Variants in SNAP91 observed in about 807,000 individuals in gnomAD.
The protein encoded by SNAP91 is synaptosome associated protein 91.
In SNAP91, 27 loss-of-function variants were observed where a neutral mutation model predicts 100.3. The ratio of observed to expected loss-of-function variants is 0.27; its 90% CI spans 0.20 to 0.37. The LOEUF is 0.37. Among genes scored for constraint, SNAP91 ranks in the 10% least tolerant of loss-of-function variants. SNAP91 has a pLI of 1.00. For synonymous variants in SNAP91, 404 were observed against 398.6 expected, an observed-to-expected ratio of 1.01 and a Z score of -0.16; for missense variants, 986 against 1,123.7, an observed-to-expected ratio of 0.88 and a Z score of 1.75.
At chr6:83,660,528 A>G (rs1334424149) in intron 5 of SNAP91, among the ~76,000 whole-genome samples, 2 of 146,116 alleles carry the variant, frequency 1.4e-5, no homozygotes, top group Non-Finnish European at 2.9e-5. Flanking sequence ...GATATGCACA[A>G]ATGTGTGGCT....
At chr6:83,585,371 T>C (rs1462789383) in intron 22 of SNAP91, among the ~76,000 whole-genome samples, 1 of 151,830 alleles carries the variant, frequency 6.6e-6, no homozygotes, top group African/African-American at 2.4e-5. Flanking sequence ...TATCAATATA[T>C]ATAAATTAGC....
intron 2 of SNAP91, among the ~76,000 whole-genome samples, chr6:83,685,567 A>G (rs1481794067): frequency 1.3e-5 from 2 of 152,182 alleles, no homozygotes; most frequent in African/African-American, 4.8e-5. Context: ...AACCTCTGTT[A>G]TCTTTGACCC....
chr6:83,602,138 T>C (rs142312679), intron 14 of SNAP91, among the ~76,000 whole-genome samples: 3 of 152,290 alleles, frequency 2.0e-5, no homozygotes, highest in Non-Finnish European at 4.4e-5. Flanking sequence ...AAACACTCTA[T>C]TAGGGAGCCA....
chr6:83,559,126 A>G (rs994863225), intron 28 of SNAP91, among the ~76,000 whole-genome samples: 1 of 152,178 alleles, frequency 6.6e-6, no homozygotes, highest in Non-Finnish European at 1.5e-5. Flanking sequence ...GGCTCTGGGA[A>G]CAACACCTGA....
In SNAP91 at chr6:83,569,515, A is replaced by C. The variant is rs1198376923; in HGVS notation, c.2442+5495T>G. On this transcript the variant is annotated intron_variant, in intron 26 of 29. Coordinates refer to ENST00000369694, the MANE Select transcript of SNAP91 (RefSeq NM_001242792.2). ...GTTAAGTCTTGATCTCAGGGTGGGTAATGGCCAAGGAAGTTCTTCAACTTA... is the reference window on the plus strand; with the variant it reads ...GTTAAGTCTTGATCTCAGGGTGGGTCATGGCCAAGGAAGTTCTTCAACTTA... 9.9e-5 allele frequency among the ~76,000 whole-genome samples: 15 copies of C among 152,166 alleles called. 1 individual carries two copies. The highest frequency in any genetic ancestry group is 3.6e-4 in the African/African-American group (15 of 41,434).
chr6:83,561,259 G>A (rs921751552), intron 26 of SNAP91, among the ~76,000 whole-genome samples: 2 of 152,054 alleles, frequency 1.3e-5, no homozygotes, highest in Non-Finnish European at 2.9e-5. Flanking sequence ...TGTGTAGGCT[G>A]GTCTCAAGCT....
At chr6:83,572,449 C>T (rs898588453) in intron 26 of SNAP91, among the ~76,000 whole-genome samples, 1 of 152,072 alleles carries the variant, frequency 6.6e-6, no homozygotes, top group Non-Finnish European at 1.5e-5. Context: ...TGGGGTTTCA[C>T]CATGTTGGCT....
chr6:83,556,725 T>G (rs1429741655), intron 28 of SNAP91, among the ~76,000 whole-genome samples: 1 of 152,246 alleles, frequency 6.6e-6, no homozygotes, highest in African/African-American at 2.4e-5. Context: ...CAGTCATTAG[T>G]ACCTCTAAAC....
rs1357654677 is a variant in SNAP91, at chr6:83,611,200, GT to G, written c.885-524del. On this transcript the variant is annotated intron_variant, in intron 11 of 29. Transcript: ENST00000369694. ...TTCCATATTCATACTCTTGAAGTCTGTTTTCCCCCCCCATGGCTGTAATAAA... is the reference window on the plus strand; with the variant it reads ...TTCCATATTCATACTCTTGAAGTCTGTTTCCCCCCCCATGGCTGTAATAAA... Among the ~76,000 whole-genome samples the G allele has an allele frequency of 2.0e-5, 3 of 151,578 alleles. 1 individual carries two copies. The highest frequency in any genetic ancestry group is 1.9e-4 in the East Asian group (1 of 5,168).
intron 14 of SNAP91, among the ~76,000 whole-genome samples, chr6:83,604,005 G>T (rs1284756000): frequency 2.0e-5 from 3 of 152,090 alleles, no homozygotes; most frequent in Non-Finnish European, 4.4e-5. Context: ...GAATAAAAAT[G>T]TTATATTGCA....
At chr6:83,563,212 AG>A (rs1196186689) in intron 26 of SNAP91, among the ~76,000 whole-genome samples, 1 of 152,226 alleles carries the variant, frequency 6.6e-6, no homozygotes, top group Admixed American at 6.5e-5. Flanking sequence ...GAGGCCTGTC[AG>A]GGCAGGGTTA....
chr6:83,676,966 T>A (rs2098916483), intron 2 of SNAP91, among the ~76,000 whole-genome samples: 1 of 152,104 alleles, frequency 6.6e-6, no homozygotes. Context: ...AAAGAGGACA[T>A]TAGATACCAA....
At chr6:83,585,442 T>C (rs2092308297) in intron 22 of SNAP91, among the ~76,000 whole-genome samples, 1 of 151,984 alleles carries the variant, frequency 6.6e-6, no homozygotes, top group Admixed American at 6.6e-5. Flanking sequence ...AGTGGGAGGA[T>C]TGCTTTAGCT....
chr6:83,582,367 G>T lies in SNAP91; in HGVS notation c.2015-11C>A. ...AAGAACCCCCAAATCCTGAAAAAAA[G>T]TTCCAAAAAAACAAGCAGAAATAAC... On this transcript the variant is annotated splice_polypyrimidine_tract_variant and intron_variant, in intron 22 of 29. Transcript: ENST00000369694. 6.2e-7 allele frequency: 1 copy of T among 1,607,514 alleles called. No individual in the cohort carries two copies. Among genetic ancestry groups the T allele is most frequent in the Admixed American group, 1.7e-5 (1 of 59,046 alleles).
chr6:83,661,898 TG>T (rs2098550150), intron 4 of SNAP91, among the ~76,000 whole-genome samples: 1 of 152,252 alleles, frequency 6.6e-6, no homozygotes, highest in Non-Finnish European at 1.5e-5. Context: ...ACTTAATTCA[TG>T]CAGCCATCTG....
intron 11 of SNAP91, among the ~76,000 whole-genome samples, chr6:83,611,925 C>G (rs1194844919): frequency 8.4e-6 from 1 of 119,274 alleles, no homozygotes; most frequent in African/African-American, 3.3e-5. Flanking sequence ...GTTTCACTGT[C>G]TTAGCCAGGA....
At chr6:83,555,740 A>C (rs1776874133) in intron 29 of SNAP91, among the ~76,000 whole-genome samples, 3 of 152,234 alleles carry the variant, frequency 2.0e-5, no homozygotes, top group Admixed American at 1.3e-4. Context: ...AAGAAGGATA[A>C]ACAAAATAAA....
At chr6:83,703,388 T>G (rs2099344475) in intron 2 of SNAP91, among the ~76,000 whole-genome samples, 1 of 152,158 alleles carries the variant, frequency 6.6e-6, no homozygotes, top group Non-Finnish European at 1.5e-5. Context: ...TGGTGTCTAC[T>G]GAATTAGTGT....
rs1372828923 is a variant in SNAP91, at chr6:83,592,460, A to T, written c.1925T>A (p.Phe642Tyr). ...KVDSSGVIDLFGDAFGSSASE... is the reference protein window; with the variant it reads ...KVDSSGVIDLYGDAFGSSASE... ...GATGGAGGAGAAATACGCACCCCCAAAAAGGTCTATGACACCTGAAGAATC... is the reference window on the plus strand; with the variant it reads ...GATGGAGGAGAAATACGCACCCCCATAAAGGTCTATGACACCTGAAGAATC... The change falls in exon 21 of 30, where the codon TTT becomes TAT. Residue 642 changes from phenylalanine (F) to tyrosine (Y), a missense_variant. Coordinates refer to ENST00000369694, the MANE Select transcript of SNAP91 (RefSeq NM_001242792.2). 1 of 1,609,044 alleles carries T rather than the reference A, an allele frequency of 6.2e-7. No homozygotes were observed. Among genetic ancestry groups the T allele is most frequent in the Non-Finnish European group, 8.5e-7 (1 of 1,177,052 alleles).
Sources: allele counts gnomAD v4.1 joint callset (sites outside exome capture counted in the v4.1 genomes callset), GRCh38; gene constraint gnomAD v4.1.1; transcripts MANE v1.5; gene names NCBI Gene and HGNC (gene_info 2026-07-23, HGNC 2026-07-21).